EIF4A3: variants seen among roughly 807,000 people sequenced by gnomAD.
EIF4A3 encodes the protein eukaryotic translation initiation factor 4A3, also known as eukaryotic initiation factor 4A-III.
A neutral mutation model predicts 55.6 loss-of-function variants in EIF4A3; 1 was observed. The observed-to-expected ratio is 0.02, with a 90% CI of 0.01 to 0.09. The LOEUF (loss-of-function observed/expected upper bound fraction) is 0.09, where lower values mean the gene tolerates loss of function less well. EIF4A3 is among the 10% of genes least tolerant of loss of function. The pLI is 1.00. For synonymous variants in EIF4A3, 194 were observed against 196.3 expected, an observed-to-expected ratio of 0.99 and a Z score of 0.10; for missense variants, 221 against 540.7, an observed-to-expected ratio of 0.41 and a Z score of 5.86.
At position 80,134,840 on chromosome 17, in the gene EIF4A3, A is replaced by G. The variant is rs2039557065; in HGVS notation, c.*650T>C. On this transcript the variant is annotated 3_prime_UTR_variant, in exon 12 of 12. Coordinates refer to ENST00000649764, the MANE Select transcript of EIF4A3 (RefSeq NM_014740.4). ...CTCATCAACGATGAAACTCTTTCCA[A>G]AAAAAAAGATTAGAAAAGTGAGTGA... is the stretch of plus-strand genomic sequence containing the variant. 6.6e-6 allele frequency among the ~76,000 whole-genome samples: 1 copy of G among 151,850 alleles called. No homozygotes were observed. Among genetic ancestry groups the G allele is most frequent in the Admixed American group, 6.6e-5 (1 of 15,210 alleles).
At chr17:80,141,680 T>G (rs1444069747) in intron 3 of EIF4A3, 102 bp downstream of exon 3, 1 of 1,229,452 alleles carries the variant, frequency 8.1e-7, no homozygotes, top group African/African-American at 1.5e-5. Flanking sequence ...CAATACATAC[T>G]AGAAAATTTT....
chr17:80,146,768 G>C, intron 1 of EIF4A3, 25 bp downstream of exon 1: 3 of 1,598,438 alleles, frequency 1.9e-6, no homozygotes, highest in Middle Eastern at 2.0e-4. Flanking sequence ...CCCCCGGCTG[G>C]CCCCCGCGGC....
At chr17:80,141,195 A>G in intron 4 of EIF4A3, 124 bp downstream of exon 4, 1 of 1,027,870 alleles carries the variant, frequency 9.7e-7, no homozygotes, top group Non-Finnish European at 1.4e-6. Flanking sequence ...CAAAATGTTA[A>G]TCAGGAAGAA....
At chr17:80,144,466 T>TA (rs2039642331) in intron 1 of EIF4A3, among the ~76,000 whole-genome samples, 1 of 151,572 alleles carries the variant, frequency 6.6e-6, no homozygotes, top group African/African-American at 2.4e-5. Flanking sequence ...ATCTCTATTT[T>TA]TAAAAAACCA....
In EIF4A3 at chr17:80,139,175, G is replaced by A. The variant is rs369529398; in HGVS notation, c.587-13C>T. On this transcript the variant is annotated splice_polypyrimidine_tract_variant and intron_variant, in intron 6 of 11. Transcript: ENST00000649764. ...TGCTCTTTGAAACCTGGGACAGGGA[G>A]CAAGACAGGTGAGGGATGTTTAGGG... 1.2e-6 allele frequency: 2 copies of A among 1,613,808 alleles called. No individual in the cohort carries two copies. The highest frequency in any genetic ancestry group is 1.1e-5 in the South Asian group (1 of 91,054).
chr17:80,138,318 T>G (rs2039590053), intron 7 of EIF4A3, 38 bp from the exon 8 acceptor site: 2 of 1,609,668 alleles, frequency 1.2e-6, no homozygotes, highest in Non-Finnish European at 1.7e-6. Flanking sequence ...ATACTCATCC[T>G]TCCTTCTAGG....
At position 80,136,351 on chromosome 17, in the gene EIF4A3, G is replaced by T. The variant is rs1490448740; in HGVS notation, c.984-16C>A. 1 of 1,596,152 alleles carries T rather than the reference G, an allele frequency of 6.3e-7. No individual in the cohort carries two copies. The highest frequency in any genetic ancestry group is 1.1e-5 in the South Asian group (1 of 89,476). On this transcript the variant is annotated splice_polypyrimidine_tract_variant and intron_variant, in intron 9 of 11. Coordinates refer to ENST00000649764, the MANE Select transcript of EIF4A3 (RefSeq NM_014740.4). Reference sequence around the variant, plus strand: ...AAGCACTCGGCTGCAAAAAGAAAGAGTGTTTGAGGCGATTAAATTACTCAT... The same window carrying T: ...AAGCACTCGGCTGCAAAAAGAAAGATTGTTTGAGGCGATTAAATTACTCAT...
In EIF4A3 at chr17:80,140,037, A is replaced by G. The variant is rs1295627768; in HGVS notation, c.476T>C (p.Val159Ala). ...DIRKLDYGQH[V>A]VAGTPGRVFD... Reference sequence around the variant, plus strand: ...AACACGCCCTGGAGTGCCCGCGACAACATGCTGTCCGTAATCCAGCTTCCT... The same window carrying G: ...AACACGCCCTGGAGTGCCCGCGACAGCATGCTGTCCGTAATCCAGCTTCCT... Residue 159 changes from valine (V) to alanine (A), a missense_variant, in exon 5 of 12, where the codon GTT becomes GCT. This residue lies in a region of EIF4A3 where 85 missense variants were observed against 205.8 expected (regional missense o/e 0.41). Coordinates refer to ENST00000649764, the MANE Select transcript of EIF4A3 (RefSeq NM_014740.4). 1.2e-6 allele frequency: 2 copies of G among 1,613,838 alleles called. No homozygotes were observed. The highest frequency in any genetic ancestry group is 2.7e-5 in the African/African-American group (2 of 74,898).
intron 4 of EIF4A3, chr17:80,140,358 T>C: frequency 2.3e-6 from 1 of 443,164 alleles, no homozygotes; most frequent in Non-Finnish European, 3.7e-6. Flanking sequence ...CTGTGGCCCA[T>C]GCTGGGGGGC....
chr17:80,141,183 G>T, intron 4 of EIF4A3, 136 bp downstream of exon 4: 1 of 868,064 alleles, frequency 1.2e-6, no homozygotes, highest in Non-Finnish European at 1.7e-6. Flanking sequence ...AATGATTAAT[G>T]GCAAAATGTT....
chr17:80,141,491 T>A (rs2039618602), intron 3 of EIF4A3, 110 bp from the exon 4 acceptor site: 2 of 1,126,938 alleles, frequency 1.8e-6, no homozygotes, highest in African/African-American at 3.1e-5. Flanking sequence ...TTAATCATAC[T>A]TCTCATCTCT....
In EIF4A3 at chr17:80,139,839, A is replaced by T. The variant is rs571706140; in HGVS notation, c.506-89T>A. ...ACCTGAGGCTCCCAAGAAAGAGCTC[A>T]TCATTCCACTGGTCTCAGGGTTCCA... On this transcript the variant is annotated intron_variant, in intron 5 of 11. Transcript: ENST00000649764. 6.2e-5 allele frequency: 93 copies of T among 1,504,154 alleles called. No homozygotes were observed. In the Middle Eastern group the frequency reaches 2.1e-3, roughly 34 times the overall value. The allele number at this position is 1,504,154 out of a possible 1,614,324, so 93.2% of individuals were successfully genotyped here. A position where few individuals can be genotyped will look rare whatever the true frequency, so the allele number is the denominator to read the frequency against.
intron 11 of EIF4A3, 137 bp downstream of exon 11, chr17:80,135,867 C>G: frequency 8.1e-7 from 1 of 1,229,406 alleles, no homozygotes; most frequent in Non-Finnish European, 1.1e-6. Context: ...TGCACTCCAG[C>G]CTGGGTGACA....
chr17:80,140,257 TC>T, intron 4 of EIF4A3, 117 bp from the exon 5 acceptor site: 2 of 1,241,782 alleles, frequency 1.6e-6, no homozygotes, highest in Non-Finnish European at 2.1e-6. Flanking sequence ...GCCATTATTA[TC>T]TCGAAACCAC....
chr17:80,135,785 C>T, intron 11 of EIF4A3: 2 of 628,256 alleles, frequency 3.2e-6, no homozygotes, highest in Non-Finnish European at 5.5e-6. Flanking sequence ...ATTCCAGCTA[C>T]TCAGGAGGCT....
chr17:80,147,013 CGCTGCCG>C lies in EIF4A3; in HGVS notation c.-59_-53del, dbSNP rs2039672774. 5.7e-6 allele frequency: 8 copies of C among 1,409,656 alleles called. No individual in the cohort carries two copies. In the African/African-American group the frequency reaches 1.2e-4, roughly 22 times the overall value. The allele number at this position is 1,409,656 out of a possible 1,614,324, so 87.3% of individuals were successfully genotyped here. Reference sequence around the variant, plus strand: ...CGCGCGCCGCTGCCGACCTCGCTGCCGCTGCCGACCTCGCTGTGCCGCTGCCGACCTC... The same window carrying C: ...CGCGCGCCGCTGCCGACCTCGCTGCCACCTCGCTGTGCCGCTGCCGACCTC... On this transcript the variant is annotated 5_prime_UTR_variant, in exon 1 of 12. Transcript: ENST00000649764.
rs1027815186 is a variant in EIF4A3 at position 80,146,191 on chromosome 17, C to A, written c.169+602G>T. Reference sequence around the variant, plus strand: ...TTCCTGGAATGCAGCTGGCTAAGGGCTGCAAGGCCCTGGCACCAGCTGTTC... The same window carrying A: ...TTCCTGGAATGCAGCTGGCTAAGGGATGCAAGGCCCTGGCACCAGCTGTTC... On this transcript the variant is annotated intron_variant, in intron 1 of 11. Transcript: ENST00000649764. Among the ~76,000 whole-genome samples the A allele has an allele frequency of 2.0e-5, 3 of 152,236 alleles. No homozygotes were observed. In the East Asian group the frequency reaches 5.8e-4, roughly 29 times the overall value.
At position 80,135,991 on chromosome 17, in the gene EIF4A3, G is replaced by T. The variant is rs755769704; in HGVS notation, c.1219+13C>A. The T allele has an allele frequency of 6.2e-7, 1 of 1,612,994 alleles. No homozygotes were observed. Among genetic ancestry groups the T allele is most frequent in the Non-Finnish European group, 8.5e-7 (1 of 1,179,818 alleles). ...TCCCTCTACAATTACAGTAGAGCTG[G>T]ACGATTTCCTACCGTTCATCGGCAT... On this transcript the variant is annotated intron_variant, in intron 11 of 11. Transcript: ENST00000649764.
intron 2 of EIF4A3, 77 bp downstream of exon 2, chr17:80,144,095 G>A: frequency 7.3e-7 from 1 of 1,362,104 alleles, no homozygotes; most frequent in Non-Finnish European, 1.1e-6. Context: ...GAGGGAAACA[G>A]TCATCCCAGA....
Sources: allele counts gnomAD v4.1 joint callset (sites outside exome capture counted in the v4.1 genomes callset), GRCh38; gene constraint gnomAD v4.1.1; regional missense constraint gnomAD v4.1.1; transcripts MANE v1.5; gene names NCBI Gene and HGNC (gene_info 2026-07-23, HGNC 2026-07-21).